Variants in CNTN5 observed in about 807,000 individuals in gnomAD.
The protein encoded by CNTN5 is contactin-5.
In CNTN5, 77 loss-of-function variants were observed where a neutral mutation model predicts 129.1. That is an observed-to-expected ratio of 0.60 (90% confidence interval 0.50 to 0.72). The LOEUF (loss-of-function observed/expected upper bound fraction) is 0.72, where lower values mean the gene tolerates loss of function less well. CNTN5 is among the 30% of genes least tolerant of loss of function. The pLI is 0.00. For missense variants in CNTN5, 1,478 were observed against 1,328.8 expected (o/e 1.11, Z -1.75); for synonymous variants, 509 against 465.6 (o/e 1.09, Z -1.20).
At position 99,210,937 on chromosome 11, in the gene CNTN5, A is replaced by G. The variant is rs556331250; in HGVS notation, c.-209-114409A>G. Reference sequence around the variant, plus strand: ...CTAGTAGACACATATTAAAAACCCAATAAATATTTGTCAAATTAAAATATT... The same window carrying G: ...CTAGTAGACACATATTAAAAACCCAGTAAATATTTGTCAAATTAAAATATT... On this transcript the variant is annotated intron_variant, in intron 1 of 24. Transcript: ENST00000524871. Among the ~76,000 whole-genome samples the G allele has an allele frequency of 3.9e-5, 6 of 152,270 alleles. No individual in the cohort carries two copies. The South Asian group carries it at 8.3e-4, about 21-fold the overall frequency.
chr11:99,343,308 T>C (rs1432457722), intron 2 of CNTN5, among the ~76,000 whole-genome samples: 1 of 152,222 alleles, frequency 6.6e-6, no homozygotes, highest in Non-Finnish European at 1.5e-5. Context: ...TAGGTATGTG[T>C]TGCTCCAAAG....
intron 13 of CNTN5, among the ~76,000 whole-genome samples, chr11:100,162,694 C>T (rs1947496086): frequency 1.3e-5 from 2 of 151,820 alleles, no homozygotes; most frequent in African/African-American, 4.8e-5. Context: ...GTGGCAGAAA[C>T]AAACGAGAGA....
At chr11:100,121,241 G>A (rs567328238) in intron 13 of CNTN5, among the ~76,000 whole-genome samples, 16 of 152,078 alleles carry the variant, frequency 1.1e-4, no homozygotes, top group East Asian at 3.9e-4. Context: ...ACTTCTAGGC[G>A]GAACTGATGG....
chr11:99,573,627 C>T (rs1291932364), intron 3 of CNTN5, among the ~76,000 whole-genome samples: 3 of 151,546 alleles, frequency 2.0e-5, no homozygotes, highest in Non-Finnish European at 4.4e-5. Flanking sequence ...AATAAGCTTC[C>T]AGGAATGAAT....
At chr11:99,394,855 C>T (rs750143969) in intron 2 of CNTN5, among the ~76,000 whole-genome samples, 11 of 151,712 alleles carry the variant, frequency 7.3e-5, no homozygotes, top group South Asian at 4.1e-4. Flanking sequence ...CCATCCATGT[C>T]CCTACAAAGG....
intron 3 of CNTN5, among the ~76,000 whole-genome samples, chr11:99,765,875 A>G (rs930880393): frequency 6.6e-6 from 1 of 151,958 alleles, no homozygotes; most frequent in Non-Finnish European, 1.5e-5. Flanking sequence ...GTGACATTAA[A>G]TAAGAGTAGC....
At chr11:100,252,799 T>A (rs1382273048) in intron 16 of CNTN5, among the ~76,000 whole-genome samples, 1 of 152,140 alleles carries the variant, frequency 6.6e-6, no homozygotes, top group African/African-American at 2.4e-5. Context: ...AAATAGCTAA[T>A]TTGGACTTCT....
rs1198827125 is a variant in CNTN5 at position 99,068,565 on chromosome 11, G to A, written c.-210+47295G>A. On this transcript the variant is annotated intron_variant, in intron 1 of 24. Coordinates refer to ENST00000524871, the MANE Select transcript of CNTN5 (RefSeq NM_014361.4). Reference sequence around the variant, plus strand: ...AGGATGCCCGTGAGAAGCAGGCTGGGTTAGGCTGGAGAAATACACTGGCCA... The same window carrying A: ...AGGATGCCCGTGAGAAGCAGGCTGGATTAGGCTGGAGAAATACACTGGCCA... 3.9e-5 allele frequency among the ~76,000 whole-genome samples: 6 copies of A among 152,254 alleles called. No individual in the cohort carries two copies. The South Asian group carries it at 8.3e-4, about 21-fold the overall frequency.
At chr11:99,769,626 G>T (rs1944874843) in intron 3 of CNTN5, among the ~76,000 whole-genome samples, 1 of 151,986 alleles carries the variant, frequency 6.6e-6, no homozygotes, top group Non-Finnish European at 1.5e-5. Context: ...AGCTTGAGCT[G>T]AAGAGTTGGA....
chr11:99,656,408 G>A (rs533714249), intron 3 of CNTN5, among the ~76,000 whole-genome samples: 5 of 152,002 alleles, frequency 3.3e-5, no homozygotes, highest in Non-Finnish European at 5.9e-5. Context: ...GCTTTCTCCT[G>A]TCCAAAAACT....
Position 99,722,804 on chromosome 11 carries a change from C to T in CNTN5, c.56-96740C>T, listed in dbSNP as rs150166504. On this transcript the variant is annotated intron_variant, in intron 3 of 24. Coordinates refer to ENST00000524871, the MANE Select transcript of CNTN5 (RefSeq NM_014361.4). ...ACTCTCCCCATATGGGGAGATATAG[C>T]CCATATGGGTTATATATTATGTATA... Among the ~76,000 whole-genome samples, 654 of 151,852 alleles carry T rather than the reference C, an allele frequency of 4.3e-3. 3 individuals are homozygous for T. Among genetic ancestry groups the T allele is most frequent in the African/African-American group, 0.015 (623 of 41,434 alleles).
At chr11:100,172,584 A>T (rs1947856762) in intron 13 of CNTN5, among the ~76,000 whole-genome samples, 1 of 152,052 alleles carries the variant, frequency 6.6e-6, no homozygotes, top group African/African-American at 2.4e-5. Context: ...GCAAAACAAT[A>T]AAAATTAGAG....
intron 1 of CNTN5, among the ~76,000 whole-genome samples, chr11:99,105,804 C>G (rs1233479718): frequency 1.3e-5 from 2 of 152,180 alleles, no homozygotes; most frequent in East Asian, 3.9e-4. Context: ...ATAAGGAAAC[C>G]CTAGCATCCC....
At chr11:99,710,565 GCA>G (rs371893227) in intron 3 of CNTN5, among the ~76,000 whole-genome samples, 1,257 of 98,660 alleles carry the variant, frequency 0.013, 25 homozygotes, top group African/African-American at 0.04. Flanking sequence ...GTGTGTGTGT[GCA>G]TGTGTGTGTG....
At chr11:99,905,221 A>G (rs1397452596) in intron 6 of CNTN5, among the ~76,000 whole-genome samples, 2 of 152,150 alleles carry the variant, frequency 1.3e-5, no homozygotes, top group African/African-American at 4.8e-5. Context: ...GCCCATGCCT[A>G]TGTCCCGAAT....
intron 1 of CNTN5, among the ~76,000 whole-genome samples, chr11:99,025,652 C>T (rs1025868380): frequency 6.6e-6 from 1 of 151,546 alleles, no homozygotes; most frequent in Non-Finnish European, 1.5e-5. Context: ...ATGCTCTCAT[C>T]GAGAGATATT....
chr11:99,414,830 A>C (rs901103415), intron 2 of CNTN5, among the ~76,000 whole-genome samples: 2 of 152,188 alleles, frequency 1.3e-5, no homozygotes, highest in East Asian at 3.9e-4. Flanking sequence ...AGAGGAGAGA[A>C]TGGCAGACAA....
chr11:99,966,027 T>G (rs752017502), intron 8 of CNTN5, among the ~76,000 whole-genome samples: 16 of 152,210 alleles, frequency 1.1e-4, no homozygotes, highest in Non-Finnish European at 2.2e-4. Context: ...AATGCAGAGA[T>G]AGGCATTACA....
At chr11:99,956,590 G>A (rs1412016043) in intron 7 of CNTN5, among the ~76,000 whole-genome samples, 1 of 152,050 alleles carries the variant, frequency 6.6e-6, no homozygotes, top group Non-Finnish European at 1.5e-5. Context: ...ATAAATAAAC[G>A]AGTCAAGGTC....
Sources: allele counts gnomAD v4.1 joint callset (sites outside exome capture counted in the v4.1 genomes callset), GRCh38; gene constraint gnomAD v4.1.1; transcripts MANE v1.5; gene names NCBI Gene and HGNC (gene_info 2026-07-23, HGNC 2026-07-21).